TAB1: variants seen among roughly 807,000 people sequenced by gnomAD.
TAB1 encodes TGF-beta activated kinase 1 (MAP3K7) binding protein 1, also known as TGF-beta-activated kinase 1 and MAP3K7-binding protein 1.
In TAB1, 30 loss-of-function variants were observed where a neutral mutation model predicts 54.5. That is an observed-to-expected ratio of 0.55 (90% confidence interval 0.41 to 0.75). The LOEUF (loss-of-function observed/expected upper bound fraction) is 0.75. Ranked by LOEUF, TAB1 falls within the 30% of genes least tolerant of loss-of-function variation. TAB1 has a pLI of 0.00. For synonymous variants in TAB1, 289 were observed against 286.9 expected, an observed-to-expected ratio of 1.01 and a Z score of -0.07; for missense variants, 609 against 683.2, an observed-to-expected ratio of 0.89 and a Z score of 1.21.
chr22:39,426,177 C>T (rs893995822), intron 8 of TAB1, among the ~76,000 whole-genome samples: 2 of 152,208 alleles, frequency 1.3e-5, no homozygotes, highest in Admixed American at 6.5e-5. Context: ...ATATTTTCAA[C>T]TTACAGTGGG....
At position 39,414,975 on chromosome 22, in the gene TAB1, C is replaced by T. The variant is rs530921450; in HGVS notation, c.34-31C>T. ...GGGGACTACCCTGCAGACGCGGTGG[C>T]GTCTCACGGCTTCCTGGTGTCCTTC... On this transcript the variant is annotated intron_variant, in intron 1 of 10. Transcript: ENST00000216160. The T allele has an allele frequency of 2.2e-5, 35 of 1,612,770 alleles. 2 individuals carry two copies. In the South Asian group the frequency reaches 3.3e-4, roughly 15 times the overall value.
chr22:39,414,735 G>T, intron 1 of TAB1: 1 of 405,668 alleles, frequency 2.5e-6, no homozygotes, highest in Non-Finnish European at 4.5e-6. Context: ...GTTTCATAAC[G>T]GCTCACTCCT....
chr22:39,405,970 C>G (rs956729292), intron 1 of TAB1, among the ~76,000 whole-genome samples: 7 of 152,128 alleles, frequency 4.6e-5, no homozygotes, highest in Non-Finnish European at 7.3e-5. Flanking sequence ...ATCTAAGACA[C>G]CAATGTTTTA....
At chr22:39,429,251 T>C (rs1444192638) in intron 10 of TAB1, 3 of 985,102 alleles carry the variant, frequency 3.0e-6, no homozygotes, top group Non-Finnish European at 3.6e-6. Flanking sequence ...TGAGAAGAGA[T>C]TGAAGGGGAG....
Position 39,417,857 on chromosome 22 carries a change from C to A in TAB1, c.550+8C>A. On this transcript the variant is annotated splice_region_variant and intron_variant, in intron 5 of 10. Coordinates refer to ENST00000216160, the MANE Select transcript of TAB1 (RefSeq NM_006116.3). ...TCTACGTCGCCAATGTCGGTGAGCC[C>A]CCTCCTGTCCCAGGGCAGGGAGGAC... 2 of 1,597,520 alleles carry A rather than the reference C, an allele frequency of 1.3e-6. No individual in the cohort carries two copies. Among genetic ancestry groups the A allele is most frequent in the Non-Finnish European group, 1.7e-6 (2 of 1,172,056 alleles).
At chr22:39,433,691 A>T (rs1814549377), downstream of TAB1, 10 of 985,396 alleles carry the variant, frequency 1.0e-5, no homozygotes, top group Non-Finnish European at 1.1e-5. Flanking sequence ...CAGGCTCCCC[A>T]CGATGCCCGT....
Position 39,415,426 on chromosome 22 carries a change from A to C in TAB1, c.171-74A>C. ...GCTGCTGTCGCTTTAGTCTCCCCCA[A>C]TTCCTTTCCCTTTCTCCCTCCACCT... On this transcript the variant is annotated intron_variant, in intron 2 of 10. Coordinates refer to ENST00000216160, the MANE Select transcript of TAB1 (RefSeq NM_006116.3). This position sits in a 1 kb window ranked among gnomAD's most constrained non-coding sequence, Gnocchi z 4.9. 1 of 1,562,230 alleles carries C rather than the reference A, an allele frequency of 6.4e-7. No individual in the cohort carries two copies. Among genetic ancestry groups the C allele is most frequent in the East Asian group, 2.3e-5 (1 of 44,144 alleles).
chr22:39,413,140 T>G (rs983972349), intron 1 of TAB1, among the ~76,000 whole-genome samples: 8 of 152,036 alleles, frequency 5.3e-5, no homozygotes, highest in African/African-American at 1.9e-4. Flanking sequence ...GGTCTCGATC[T>G]TCTGACCTCA....
intron 7 of TAB1, 116 bp from the exon 8 acceptor site, chr22:39,421,709 CTT>C: frequency 9.2e-7 from 1 of 1,082,856 alleles, no homozygotes; most frequent in Non-Finnish European, 1.3e-6. Context: ...TTCTTTTCCT[CTT>C]GTCAGGTTGT....
intron 8 of TAB1, among the ~76,000 whole-genome samples, chr22:39,425,526 A>C (rs1927282585): frequency 6.6e-6 from 1 of 151,974 alleles, no homozygotes; most frequent in Admixed American, 6.6e-5. Context: ...GATGATGTTC[A>C]GTAGATTAGG....
intron 6 of TAB1, among the ~76,000 whole-genome samples, chr22:39,419,073 T>C (rs1426305853): frequency 6.6e-6 from 1 of 152,234 alleles, no homozygotes; most frequent in Non-Finnish European, 1.5e-5. Context: ...GTAACCTACC[T>C]CGGGATGCTA....
downstream of TAB1, among the ~76,000 whole-genome samples, chr22:39,432,128 G>C (rs1273109155): frequency 6.6e-6 from 1 of 152,202 alleles, no homozygotes; most frequent in Non-Finnish European, 1.5e-5. Flanking sequence ...CATCTGAAGG[G>C]GGTGACAGTT....
At chr22:39,406,440 A>G (rs1036498048) in intron 1 of TAB1, among the ~76,000 whole-genome samples, 13 of 148,170 alleles carry the variant, frequency 8.8e-5, no homozygotes, top group African/African-American at 3.0e-4. Context: ...AGTGAAAGAT[A>G]GTTTCTTGAA....
At chr22:39,433,705 G>T (rs536613913), downstream of TAB1, 2 of 985,292 alleles carry the variant, frequency 2.0e-6, no homozygotes, top group African/African-American at 1.7e-5. Context: ...TGCCCGTGTC[G>T]GGATGTTCCT....
chr22:39,413,691 C>G (rs971105263), intron 1 of TAB1, among the ~76,000 whole-genome samples: 4 of 152,240 alleles, frequency 2.6e-5, no homozygotes, highest in Admixed American at 6.5e-5. Context: ...TCCCAAAGTG[C>G]TGGGATTACG....
rs1266943033 is a variant in TAB1 at position 39,415,716 on chromosome 22, C to T, written c.324+63C>T. 1 of 1,562,522 alleles carries T rather than the reference C, an allele frequency of 6.4e-7. No homozygotes were observed. Among genetic ancestry groups the T allele is most frequent in the Non-Finnish European group, 8.7e-7 (1 of 1,155,202 alleles). On this transcript the variant is annotated intron_variant, in intron 3 of 10. Transcript: ENST00000216160. This position sits in a 1 kb window ranked among gnomAD's most constrained non-coding sequence, Gnocchi z 4.9. ...ATGTCCCCCACCCCAAGGCTTGGGC[C>T]CTGCACCTCTAGCATGTTGCCAGGG...
downstream of TAB1, chr22:39,432,785 T>C: frequency 1.0e-6 from 1 of 985,500 alleles, no homozygotes; most frequent in Non-Finnish European, 1.2e-6. Flanking sequence ...GGCCGGGCGC[T>C]GCACTGTTGA....
rs1462907924 is a variant in TAB1 at position 39,430,951 on chromosome 22, T to G, written c.*729T>G. On this transcript the variant is annotated 3_prime_UTR_variant, in exon 11 of 11. Coordinates refer to ENST00000216160, the MANE Select transcript of TAB1 (RefSeq NM_006116.3). ...CGGGAGAGGTGAGGACTGGCCCCGGTGGGCTGAGGCAGGGGCCGCTGTCGT... is the reference window on the plus strand; with the variant it reads ...CGGGAGAGGTGAGGACTGGCCCCGGGGGGCTGAGGCAGGGGCCGCTGTCGT... 3 of 986,026 alleles carry G rather than the reference T, an allele frequency of 3.0e-6. No individual in the cohort carries two copies. The highest frequency in any genetic ancestry group is 3.6e-6 in the Non-Finnish European group (3 of 830,528). The allele number at this position is 986,026 out of a possible 1,614,324, so 61.1% of individuals were successfully genotyped here. A position where few individuals can be genotyped will look rare whatever the true frequency, so the allele number is the denominator to read the frequency against.
At chr22:39,419,250 A>C (rs1460132030) in intron 6 of TAB1, among the ~76,000 whole-genome samples, 1 of 152,136 alleles carries the variant, frequency 6.6e-6, no homozygotes, top group African/African-American at 2.4e-5. Context: ...TGTGGGGCAC[A>C]CGGGATGGGC....
Sources: allele counts gnomAD v4.1 joint callset (sites outside exome capture counted in the v4.1 genomes callset), GRCh38; gene constraint gnomAD v4.1.1; non-coding constraint Gnocchi (gnomAD v3.1); transcripts MANE v1.5; gene names NCBI Gene and HGNC (gene_info 2026-07-23, HGNC 2026-07-21).